Variants in PRKCA observed in about 807,000 individuals in gnomAD.
The protein encoded by PRKCA is protein kinase C alpha type.
A neutral mutation model predicts 87.0 loss-of-function variants in PRKCA; 27 were observed. The observed-to-expected ratio is 0.31, with a 90% CI of 0.23 to 0.43. The LOEUF (loss-of-function observed/expected upper bound fraction) is 0.43, where lower values mean the gene tolerates loss of function less well. Among genes scored for constraint, PRKCA ranks in the 20% least tolerant of loss-of-function variants. PRKCA has a pLI of 1.00. For synonymous variants in PRKCA, 329 were observed against 311.1 expected (o/e 1.06, Z -0.61); for missense variants, 518 against 852.3 (o/e 0.61, Z 4.88).
intron 2 of PRKCA, among the ~76,000 whole-genome samples, chr17:66,477,595 G>A (rs1209540404): frequency 6.6e-6 from 1 of 152,178 alleles, no homozygotes; most frequent in Non-Finnish European, 1.5e-5. Context: ...AGCTACTTGG[G>A]AGGCTGAGGC....
intron 13 of PRKCA, among the ~76,000 whole-genome samples, chr17:66,764,711 C>A (rs1443442690): frequency 6.6e-6 from 1 of 152,232 alleles, no homozygotes; most frequent in Non-Finnish European, 1.5e-5. Flanking sequence ...CCAGCTCTAG[C>A]CCTTCTTGCC....
intron 2 of PRKCA, among the ~76,000 whole-genome samples, chr17:66,429,114 A>T (rs1912969351): frequency 6.6e-6 from 1 of 151,684 alleles, no homozygotes; most frequent in Admixed American, 6.6e-5. Context: ...ACTTCTTGAG[A>T]GTGTGGACTG....
intron 2 of PRKCA, among the ~76,000 whole-genome samples, chr17:66,486,413 C>G (rs1915991626): frequency 6.6e-6 from 1 of 152,302 alleles, no homozygotes; most frequent in South Asian, 2.1e-4. Context: ...AAGTGTGTGG[C>G]TTCTGGGCCA....
At chr17:66,660,561 G>C (rs1278888564) in intron 5 of PRKCA, among the ~76,000 whole-genome samples, 1 of 152,058 alleles carries the variant, frequency 6.6e-6, no homozygotes, top group African/African-American at 2.4e-5. Context: ...ACGGCTCAGG[G>C]AATATGGCTA....
intron 8 of PRKCA, among the ~76,000 whole-genome samples, chr17:66,690,099 C>T (rs1005746031): frequency 2.0e-5 from 3 of 152,112 alleles, no homozygotes; most frequent in Admixed American, 1.3e-4. Context: ...CTCCTTCATG[C>T]CCCCCACAAA....
At chr17:66,416,024 C>G (rs922573339) in intron 2 of PRKCA, 4 of 152,054 alleles carry the variant, frequency 2.6e-5, no homozygotes, top group Admixed American at 1.3e-4. Flanking sequence ...TGGATACTGA[C>G]TGGCACACAG....
At chr17:66,618,780 T>C (rs998852383) in intron 3 of PRKCA, among the ~76,000 whole-genome samples, 4 of 152,210 alleles carry the variant, frequency 2.6e-5, no homozygotes, top group Admixed American at 2.6e-4. Flanking sequence ...GCTGGGAACA[T>C]AGACCTTTGC....
At chr17:66,799,640 G>A (rs1444535084) in intron 16 of PRKCA, among the ~76,000 whole-genome samples, 4 of 102,744 alleles carry the variant, frequency 3.9e-5, no homozygotes, top group East Asian at 7.7e-4. Context: ...AATGGTGGTG[G>A]TGATGGTGGT....
At chr17:66,516,414 C>G (rs1300629301) in intron 3 of PRKCA, among the ~76,000 whole-genome samples, 1 of 152,104 alleles carries the variant, frequency 6.6e-6, no homozygotes, top group Non-Finnish European at 1.5e-5. Flanking sequence ...GGGTGAATCA[C>G]TTGAGGTCAG....
chr17:66,594,605 A>G (rs1969916104), intron 3 of PRKCA, among the ~76,000 whole-genome samples: 1 of 98,358 alleles, frequency 1.0e-5, no homozygotes, highest in African/African-American at 6.2e-5. Context: ...CATGTGCAAC[A>G]TGTGGGTTTT....
chr17:66,650,131 C>T (rs151291472), intron 5 of PRKCA, among the ~76,000 whole-genome samples: 124 of 152,362 alleles, frequency 8.1e-4, no homozygotes, highest in African/African-American at 2.8e-3. Context: ...TTAGTTCAAA[C>T]TGTGTCTTAC....
intron 2 of PRKCA, among the ~76,000 whole-genome samples, chr17:66,323,013 C>T (rs1905773355): frequency 6.6e-6 from 1 of 152,136 alleles, no homozygotes. Flanking sequence ...CTTCCTCATG[C>T]TTTTTAGTTT....
intron 3 of PRKCA, among the ~76,000 whole-genome samples, chr17:66,605,836 A>G (rs563444947): frequency 6.6e-6 from 1 of 152,344 alleles, no homozygotes; most frequent in South Asian, 2.1e-4. Flanking sequence ...AGAAAGTCAC[A>G]TATTGTATGA....
intron 2 of PRKCA, among the ~76,000 whole-genome samples, chr17:66,427,266 A>G (rs1051091140): frequency 3.2e-4 from 49 of 152,310 alleles, no homozygotes; most frequent in African/African-American, 1.2e-3. Flanking sequence ...TCCTAAGCTC[A>G]GGCAATCCAC....
chr17:66,497,491 C>T (rs573801585), intron 3 of PRKCA, among the ~76,000 whole-genome samples: 2 of 148,566 alleles, frequency 1.3e-5, no homozygotes, highest in East Asian at 2.0e-4. Flanking sequence ...AGCAAAACTC[C>T]GTCTCAAAAA....
intron 10 of PRKCA, among the ~76,000 whole-genome samples, chr17:66,736,301 G>T (rs988838794): frequency 6.8e-6 from 1 of 147,452 alleles, no homozygotes; most frequent in Non-Finnish European, 1.5e-5. Flanking sequence ...TTTTTGAGAC[G>T]GAGTCACTCT....
chr17:66,548,506 A>T (rs908219917), intron 3 of PRKCA, among the ~76,000 whole-genome samples: 3 of 152,202 alleles, frequency 2.0e-5, no homozygotes, highest in Admixed American at 2.0e-4. Context: ...TGTGTACCAC[A>T]CAGGTATTTC....
chr17:66,366,814 G>C (rs533815493), intron 2 of PRKCA, among the ~76,000 whole-genome samples: 12 of 152,184 alleles, frequency 7.9e-5, no homozygotes, highest in Admixed American at 7.9e-4. Context: ...GACTCAATAT[G>C]ATTTAAGTTA....
intron 3 of PRKCA, among the ~76,000 whole-genome samples, chr17:66,561,178 G>T (rs537877653): frequency 6.6e-6 from 1 of 152,192 alleles, no homozygotes; most frequent in Admixed American, 6.5e-5. Flanking sequence ...GTGGTAACAG[G>T]GTAGATGCAC....
Sources: gnomAD v4.1 joint callset for allele counts (sites outside exome capture counted in the v4.1 genomes callset) on GRCh38, gnomAD v4.1.1 for gene constraint, MANE v1.5 for transcripts, NCBI Gene and HGNC (gene_info 2026-07-23, HGNC 2026-07-21) for gene names.